CELF2: variants seen among roughly 807,000 people sequenced by gnomAD.
CELF2 encodes the protein CUG triplet repeat RNA-binding protein 2.
A neutral mutation model predicts 62.6 loss-of-function variants in CELF2; 8 were observed. The observed-to-expected ratio is 0.13, with a 90% CI of 0.07 to 0.23. CELF2 has a LOEUF of 0.23. Ranked by LOEUF, CELF2 falls within the 10% of genes least tolerant of loss-of-function variation. The probability of loss-of-function intolerance (pLI) is 1.00; values close to 1 mark genes in which losing one functional copy is unlikely to be tolerated. For synonymous variants in CELF2, 258 were observed against 250.0 expected, an observed-to-expected ratio of 1.03 and a Z score of -0.30; for missense variants, 333 against 671.0, an observed-to-expected ratio of 0.50 and a Z score of 5.56.
At chr10:11,062,513 A>G (rs1488212273) in intron 1 of CELF2, among the ~76,000 whole-genome samples, 1 of 152,222 alleles carries the variant, frequency 6.6e-6, no homozygotes, top group African/African-American at 2.4e-5. Context: ...TTCAGTCCTC[A>G]TGGATAACTG....
At position 11,314,128 on chromosome 10, in the gene CELF2, C is replaced by T. The variant is rs2140549079; in HGVS notation, c.977-11C>T. 1.3e-6 allele frequency: 1 copy of T among 761,970 alleles called. No homozygotes were observed. Among genetic ancestry groups the T allele is most frequent in the East Asian group, 3.4e-5 (1 of 29,740 alleles). The allele number at this position is 761,970 out of a possible 1,614,324, so 47.2% of individuals were successfully genotyped here. A position where few individuals can be genotyped will look rare whatever the true frequency, so the allele number is the denominator to read the frequency against. On this transcript the variant is annotated splice_polypyrimidine_tract_variant and intron_variant, in intron 9 of 12. Transcript: ENST00000633077. This position sits in a 1 kb window ranked among gnomAD's most constrained non-coding sequence, Gnocchi z 5.3. ...TCTTCTCTCCCCTTGTCTCTGTTTT[C>T]CTTTTTTCAGTGGCTGCTTCAACCC...
rs147142870 is a variant in CELF2, at chr10:10,928,798, C to T, written c.89+8799C>T. Reference sequence around the variant, plus strand: ...AATATAATTGACTAGAGGACTTTTACACCTTCTCCGCTAAGTAGGAAACAC... The same window carrying T: ...AATATAATTGACTAGAGGACTTTTATACCTTCTCCGCTAAGTAGGAAACAC... On this transcript the variant is annotated intron_variant, in intron 2 of 13. Coordinates refer to the CELF2 transcript ENST00000636488. The surrounding 1 kb of genome is among the most constrained non-coding windows in gnomAD (Gnocchi z 4.8). Among the ~76,000 whole-genome samples the T allele has an allele frequency of 2.3e-4, 35 of 152,246 alleles. No individual in the cohort carries two copies. The East Asian group carries it at 6.6e-3, about 29-fold the overall frequency.
rs181070889 is a variant in CELF2, at chr10:10,929,022, G to A, written c.89+9023G>A. On this transcript the variant is annotated intron_variant, in intron 2 of 13. Transcript: ENST00000636488. The stretch of plus-strand genomic sequence containing the variant: ...ATTGGGAAGGGAAGGAGGAAGGATT[G>A]AGGAAGCCTTCTCCTAAAGAACCAG... Among the ~76,000 whole-genome samples, 11 of 152,316 alleles carry A rather than the reference G, an allele frequency of 7.2e-5. No individual in the cohort carries two copies. In the East Asian group the frequency reaches 2.1e-3, roughly 29 times the overall value.
the CELF2 span, among the ~76,000 whole-genome samples, chr10:10,607,850 G>A: frequency 6.6e-6 from 1 of 152,168 alleles, no homozygotes; most frequent in Non-Finnish European, 1.5e-5. Flanking sequence ...CAGCACTTTG[G>A]GAGGCAGAGG....
the CELF2 span, among the ~76,000 whole-genome samples, chr10:10,526,880 T>G: frequency 3.5e-3 from 529 of 152,288 alleles, 3 homozygotes; most frequent in African/African-American, 0.012. Context: ...GAGCTGGACT[T>G]CTGGACACCT....
rs1025845630 is a variant in CELF2, at chr10:11,318,680, C to T, written c.1097-2509C>T. On this transcript the variant is annotated intron_variant, in intron 10 of 12. Coordinates refer to ENST00000633077, the MANE Select transcript of CELF2 (RefSeq NM_001326342.2). This position sits in a 1 kb window ranked among gnomAD's most constrained non-coding sequence, Gnocchi z 5.4. ...GAGCAGGAGCTGTGTTCTGCTTCTGCATTGTAAGAGAGAAACATTTTTGGC... is the reference window on the plus strand; with the variant it reads ...GAGCAGGAGCTGTGTTCTGCTTCTGTATTGTAAGAGAGAAACATTTTTGGC... 9.2e-6 allele frequency: 4 copies of T among 433,612 alleles called. No individual in the cohort carries two copies. Among genetic ancestry groups the T allele is most frequent in the Non-Finnish European group, 1.9e-5 (4 of 208,656 alleles). 26.9% of individuals were successfully genotyped at this position (433,612 alleles called of 1,614,324 possible). A position where few individuals can be genotyped will look rare whatever the true frequency, so the allele number is the denominator to read the frequency against.
intron 1 of CELF2, among the ~76,000 whole-genome samples, chr10:10,800,254 A>G (rs998739196): frequency 6.6e-6 from 1 of 152,188 alleles, no homozygotes; most frequent in African/African-American, 2.4e-5. Context: ...CTATTTTATA[A>G]TCTGCTGTTT....
the CELF2 span, among the ~76,000 whole-genome samples, chr10:10,640,239 G>A: frequency 2.0e-5 from 3 of 152,194 alleles, no homozygotes; most frequent in Non-Finnish European, 4.4e-5. Context: ...CTCTAATAAT[G>A]TTTTGACAAT....
At chr10:10,483,906 C>G in the CELF2 span, among the ~76,000 whole-genome samples, 23 of 150,694 alleles carry the variant, frequency 1.5e-4, no homozygotes, top group Non-Finnish European at 5.9e-5. Context: ...TCTCATCTCT[C>G]TGTGTCTCAT....
At chr10:10,896,213 C>T (rs2062541970) in intron 1 of CELF2, among the ~76,000 whole-genome samples, 1 of 152,126 alleles carries the variant, frequency 6.6e-6, no homozygotes, top group Non-Finnish European at 1.5e-5. Context: ...TCCCATCAGC[C>T]AGACAGGAAC....
At chr10:10,717,217 A>C in the CELF2 span, among the ~76,000 whole-genome samples, 2 of 152,226 alleles carry the variant, frequency 1.3e-5, no homozygotes, top group African/African-American at 4.8e-5. Context: ...ATAGTAATGG[A>C]AAATTTGTTC....
At chr10:11,142,388 G>T (rs1267282033) in intron 1 of CELF2, among the ~76,000 whole-genome samples, 1 of 151,650 alleles carries the variant, frequency 6.6e-6, no homozygotes, top group Admixed American at 6.5e-5. Context: ...GATTAAAAGT[G>T]GATGGGCTGG....
chr10:11,105,559 T>C (rs561000824), intron 1 of CELF2: 2 of 152,396 alleles, frequency 1.3e-5, no homozygotes, highest in Admixed American at 1.3e-4. Flanking sequence ...GTGACATCAT[T>C]TGCATTTTTT....
intron 2 of CELF2, among the ~76,000 whole-genome samples, chr10:11,199,467 G>A (rs993274833): frequency 3.3e-5 from 5 of 152,128 alleles, no homozygotes; most frequent in East Asian, 1.9e-4. Context: ...GAGAAGGCCC[G>A]CAGGTTGGGT....
chr10:10,544,529 A>T, the CELF2 span, among the ~76,000 whole-genome samples: 1 of 152,252 alleles, frequency 6.6e-6, no homozygotes, highest in Non-Finnish European at 1.5e-5. Context: ...GTCTATAGCC[A>T]TATACAAGTG....
chr10:11,032,817 CAAAT>C (rs2060338701), intron 1 of CELF2, among the ~76,000 whole-genome samples: 2 of 152,058 alleles, frequency 1.3e-5, no homozygotes, highest in African/African-American at 4.8e-5. Flanking sequence ...GATATGTCAC[CAAAT>C]AAATGTTTAT....
chr10:10,578,434 C>T, the CELF2 span, among the ~76,000 whole-genome samples: 1 of 152,076 alleles, frequency 6.6e-6, no homozygotes, highest in Non-Finnish European at 1.5e-5. Flanking sequence ...GAAGTCCTTG[C>T]CCATGCCTAT....
chr10:11,219,515 C>T (rs1229004879), intron 3 of CELF2, among the ~76,000 whole-genome samples: 2 of 152,098 alleles, frequency 1.3e-5, no homozygotes, highest in East Asian at 3.8e-4. Context: ...TTCATATGCC[C>T]AATTACTTGA....
At chr10:10,854,242 T>A (rs1403218430) in intron 1 of CELF2, among the ~76,000 whole-genome samples, 1 of 152,170 alleles carries the variant, frequency 6.6e-6, no homozygotes, top group African/African-American at 2.4e-5. Flanking sequence ...TGCTCTAGTT[T>A]TGTCCAGAGC....
Sources: gnomAD v4.1 joint callset for allele counts (sites outside exome capture counted in the v4.1 genomes callset) on GRCh38, gnomAD v4.1.1 for gene constraint, Gnocchi (gnomAD v3.1) non-coding constraint, MANE v1.5 for transcripts, NCBI Gene and HGNC (gene_info 2026-07-23, HGNC 2026-07-21) for gene names.